Variants in ABLIM3 observed in about 807,000 individuals in gnomAD.
ABLIM3 encodes actin binding LIM protein family member 3, also known as actin-binding LIM protein 3.
In ABLIM3, 61 loss-of-function variants were observed where a neutral mutation model predicts 109.5. The observed-to-expected ratio is 0.56, with a 90% CI of 0.45 to 0.69. The LOEUF (loss-of-function observed/expected upper bound fraction) is 0.69. ABLIM3 is among the 30% of genes least tolerant of loss of function. The pLI is 0.00. For synonymous variants in ABLIM3, 300 were observed against 324.8 expected (o/e 0.92, Z 0.82); for missense variants, 796 against 889.5 (o/e 0.89, Z 1.34).
chr5:149,204,887 G>A (rs1758820078), intron 5 of ABLIM3, among the ~76,000 whole-genome samples: 1 of 152,178 alleles, frequency 6.6e-6, no homozygotes, highest in East Asian at 1.9e-4. Flanking sequence ...CTTAACTCAA[G>A]GGGTTAAATT....
chr5:149,255,682 C>T (rs1465165795), intron 23 of ABLIM3, among the ~76,000 whole-genome samples: 1 of 152,140 alleles, frequency 6.6e-6, no homozygotes, highest in African/African-American at 2.4e-5. Flanking sequence ...TGTTGAGACC[C>T]TGATGCAGGA....
At chr5:149,152,360 T>C (rs1293339416) in intron 2 of ABLIM3, among the ~76,000 whole-genome samples, 1 of 152,228 alleles carries the variant, frequency 6.6e-6, no homozygotes, top group East Asian at 1.9e-4. Context: ...CATCTGTTAA[T>C]GATTATGGGA....
At chr5:149,150,826 G>A (rs985810576) in intron 2 of ABLIM3, among the ~76,000 whole-genome samples, 2 of 152,138 alleles carry the variant, frequency 1.3e-5, no homozygotes, top group Non-Finnish European at 2.9e-5. Flanking sequence ...AGCCCTGCTT[G>A]TACTTTCTGT....
intron 2 of ABLIM3, 120 bp downstream of exon 2, chr5:149,142,228 C>T: frequency 2.1e-6 from 3 of 1,436,130 alleles, no homozygotes; most frequent in Non-Finnish European, 2.9e-6. Context: ...CACATGACCC[C>T]CAGGCTCTTT....
At chr5:149,245,205 G>A (rs1312992024) in intron 16 of ABLIM3, among the ~76,000 whole-genome samples, 190 bp downstream of exon 16, 4 of 152,212 alleles carry the variant, frequency 2.6e-5, no homozygotes, top group Non-Finnish European at 5.9e-5. Context: ...GCAATACACT[G>A]GGGAGCAAAA....
rs1430022173 is a variant in ABLIM3 at position 149,153,879 on chromosome 5, C to T, written c.13+11771C>T. Among the ~76,000 whole-genome samples the T allele has an allele frequency of 6.6e-5, 10 of 152,218 alleles. No homozygotes were observed. In the East Asian group the frequency reaches 1.9e-3, roughly 29 times the overall value. On this transcript the variant is annotated intron_variant, in intron 2 of 23. Coordinates refer to ENST00000309868, the MANE Select transcript of ABLIM3 (RefSeq NM_014945.5). ...GCTCCACATGCCGCCCTGCTGTTCC[C>T]AGGGGCTGTGGTGGCTGTTTGTGTG...
rs1322374292 is a variant in ABLIM3, at chr5:149,240,325, G to A, written c.1205-351G>A. 6.6e-5 allele frequency: 25 copies of A among 379,484 alleles called. No homozygotes were observed. In the Admixed American group the frequency reaches 1.0e-3, roughly 15 times the overall value. The allele number at this position is 379,484 out of a possible 1,614,324, so 23.5% of individuals were successfully genotyped here. A position where few individuals can be genotyped will look rare whatever the true frequency, so the allele number is the denominator to read the frequency against. On this transcript the variant is annotated intron_variant, in intron 13 of 23. Transcript: ENST00000309868. Reference sequence around the variant, plus strand: ...TTGGGGGTGATGCCAGCACTTGGATGGAGGAAAGGAGCAATTAAGGGAGCG... The same window carrying A: ...TTGGGGGTGATGCCAGCACTTGGATAGAGGAAAGGAGCAATTAAGGGAGCG...
chr5:149,224,605 C>T (rs1760991781), intron 8 of ABLIM3, among the ~76,000 whole-genome samples: 1 of 152,200 alleles, frequency 6.6e-6, no homozygotes, highest in East Asian at 1.9e-4. Flanking sequence ...GCCCCAGCTC[C>T]CTGCTCCCCT....
chr5:149,211,775 G>T (rs1275241844), intron 7 of ABLIM3, among the ~76,000 whole-genome samples: 1 of 152,150 alleles, frequency 6.6e-6, no homozygotes, highest in Non-Finnish European at 1.5e-5. Context: ...GACATGCATT[G>T]AAGCAGAGCC....
rs564397551 is a variant in ABLIM3 at position 149,233,226 on chromosome 5, C to T, written c.817-3C>T. 223 of 1,614,046 alleles carry T rather than the reference C, an allele frequency of 1.4e-4. 2 individuals are homozygous for T. Among genetic ancestry groups the T allele is most frequent in the Non-Finnish European group, 1.3e-4 (154 of 1,180,000 alleles). ...ACCTTTTCTGTCTTCATCTCTCTCACAGCATAGACGGACATCTGAAACCTC... is the reference window on the plus strand; with the variant it reads ...ACCTTTTCTGTCTTCATCTCTCTCATAGCATAGACGGACATCTGAAACCTC... On this transcript the variant is annotated splice_polypyrimidine_tract_variant and splice_region_variant and intron_variant, in intron 9 of 23. Coordinates refer to ENST00000309868, the MANE Select transcript of ABLIM3 (RefSeq NM_014945.5).
At chr5:149,196,974 T>C (rs1045522606) in intron 3 of ABLIM3, among the ~76,000 whole-genome samples, 2 of 152,246 alleles carry the variant, frequency 1.3e-5, no homozygotes, top group Middle Eastern at 3.2e-3. Context: ...TCCAAAAGAC[T>C]AGGAAATGCC....
intron 3 of ABLIM3, among the ~76,000 whole-genome samples, chr5:149,197,498 ATT>A (rs1244539487): frequency 2.0e-5 from 3 of 152,042 alleles, no homozygotes; most frequent in African/African-American, 7.2e-5. Flanking sequence ...TCTCTGCAGC[ATT>A]TTTAGCTCTT....
At chr5:149,154,114 A>C (rs1010661162) in intron 2 of ABLIM3, among the ~76,000 whole-genome samples, 1 of 152,210 alleles carries the variant, frequency 6.6e-6, no homozygotes, top group Non-Finnish European at 1.5e-5. Context: ...TATTTTAAGC[A>C]CCTGAAGCAC....
chr5:149,254,752 AG>A (rs755816339), intron 23 of ABLIM3, among the ~76,000 whole-genome samples: 3 of 152,212 alleles, frequency 2.0e-5, no homozygotes, highest in Non-Finnish European at 4.4e-5. Flanking sequence ...GACAGCTCCC[AG>A]GGCAGCTCAG....
intron 23 of ABLIM3, among the ~76,000 whole-genome samples, chr5:149,256,792 T>C (rs1754465969): frequency 6.6e-6 from 1 of 152,394 alleles, no homozygotes; most frequent in East Asian, 1.9e-4. Flanking sequence ...ATCTGGATAG[T>C]GGACATGGGC....
At chr5:149,178,535 C>T (rs955566622) in intron 2 of ABLIM3, among the ~76,000 whole-genome samples, 2 of 152,198 alleles carry the variant, frequency 1.3e-5, no homozygotes, top group East Asian at 3.8e-4. Context: ...AGCATAGGTG[C>T]TCCTACCTTT....
At chr5:149,211,120 C>T (rs1759507029) in intron 7 of ABLIM3, among the ~76,000 whole-genome samples, 1 of 151,916 alleles carries the variant, frequency 6.6e-6, no homozygotes, top group African/African-American at 2.4e-5. Context: ...TCCTCCCAGC[C>T]CTGCCGGAGA....
intron 15 of ABLIM3, among the ~76,000 whole-genome samples, chr5:149,242,911 T>C (rs1462122969): frequency 6.6e-6 from 1 of 152,224 alleles, no homozygotes; most frequent in Non-Finnish European, 1.5e-5. Context: ...TACAGATTCC[T>C]GGGCCCCACC....
chr5:149,251,463 G>T (rs747821103), intron 21 of ABLIM3, 44 bp downstream of exon 21: 60 of 1,603,136 alleles, frequency 3.7e-5, no homozygotes, highest in Non-Finnish European at 5.0e-5. Context: ...AGTGCCTCCA[G>T]ATGTACCACT....
Sources: gnomAD v4.1 joint callset for allele counts (sites outside exome capture counted in the v4.1 genomes callset) on GRCh38, gnomAD v4.1.1 for gene constraint, MANE v1.5 for transcripts, NCBI Gene and HGNC (gene_info 2026-07-23, HGNC 2026-07-21) for gene names.